The following AFG1L variants were observed in gnomAD, a reference collection of about 807,000 sequenced individuals.
The protein encoded by AFG1L is AFG1-like ATPase.
A neutral mutation model predicts 62.2 loss-of-function variants in AFG1L; 53 were observed. That is an observed-to-expected ratio of 0.85 (90% CI 0.68 to 1.07). The LOEUF is 1.07. Ranked by LOEUF, AFG1L falls within the 50% of genes least tolerant of loss-of-function variation. The pLI, the probability that AFG1L is intolerant of heterozygous loss-of-function variation, is 0.00. For missense variants in AFG1L, 555 were observed against 590.5 expected (o/e 0.94, Z 0.62); for synonymous variants, 228 against 210.3 (o/e 1.08, Z -0.73).
At chr6:108,368,466 A>G (rs1356761725) in intron 6 of AFG1L, among the ~76,000 whole-genome samples, 1 of 152,220 alleles carries the variant, frequency 6.6e-6, no homozygotes, top group African/African-American at 2.4e-5. Context: ...CATCCATTGT[A>G]CTACAAAAGA....
At chr6:108,491,864 A>T (rs1773789130) in intron 10 of AFG1L, among the ~76,000 whole-genome samples, 1 of 152,070 alleles carries the variant, frequency 6.6e-6, no homozygotes, top group South Asian at 2.1e-4. Flanking sequence ...GAAGAAAGCA[A>T]CTCTTCAATA....
chr6:108,462,904 A>G (rs1772516188), intron 8 of AFG1L, among the ~76,000 whole-genome samples: 1 of 152,224 alleles, frequency 6.6e-6, no homozygotes, highest in Non-Finnish European at 1.5e-5. Context: ...TCACAGTTAT[A>G]ACTGAAGATC....
At chr6:108,313,858 C>T (rs1436859586) in intron 1 of AFG1L, among the ~76,000 whole-genome samples, 1 of 151,890 alleles carries the variant, frequency 6.6e-6, no homozygotes, top group Non-Finnish European at 1.5e-5. Context: ...TCTCTTAACT[C>T]AACTATTTGA....
chr6:108,519,013 G>T (rs1310478024), intron 11 of AFG1L, among the ~76,000 whole-genome samples: 2 of 152,198 alleles, frequency 1.3e-5, no homozygotes, highest in Admixed American at 6.5e-5. Flanking sequence ...TCAGTATGTG[G>T]TGCTATAACA....
At chr6:108,478,437 G>A (rs754954291) in intron 10 of AFG1L, among the ~76,000 whole-genome samples, 1 of 152,170 alleles carries the variant, frequency 6.6e-6, no homozygotes, top group African/African-American at 2.4e-5. Flanking sequence ...ACTCCGTCTC[G>A]AAAAAGCAAT....
At chr6:108,405,159 T>C (rs934335963) in intron 7 of AFG1L, among the ~76,000 whole-genome samples, 5 of 152,192 alleles carry the variant, frequency 3.3e-5, no homozygotes, top group African/African-American at 1.2e-4. Flanking sequence ...AAAATCTTTA[T>C]CAGATAATTC....
chr6:108,367,811 A>G (rs888627657), intron 6 of AFG1L, among the ~76,000 whole-genome samples: 1 of 152,212 alleles, frequency 6.6e-6, no homozygotes, highest in African/African-American at 2.4e-5. Context: ...GAGGAAAAGA[A>G]AAGTAGTACA....
At position 108,525,205 on chromosome 6, in the gene AFG1L, GTC is replaced by G. The variant is rs1775280667; in HGVS notation, c.*2781_*2782del. 1 of 152,098 alleles carries G rather than the reference GTC, an allele frequency of 6.6e-6. No homozygotes were observed. The highest frequency in any genetic ancestry group is 1.5e-5 in the Non-Finnish European group (1 of 68,028). 9.4% of individuals were successfully genotyped at this position (152,098 alleles called of 1,614,324 possible). The stretch of plus-strand genomic sequence containing the variant: ...TGACTAGTTCCCAGACTTAACAGAG[GTC>G]AAGCGGAGAAAAAGGAAAACTTTCT... On this transcript the variant is annotated 3_prime_UTR_variant, in exon 13 of 13. Coordinates refer to ENST00000368977, the MANE Select transcript of AFG1L (RefSeq NM_145315.5).
At chr6:108,423,998 G>C (rs1770710012) in intron 7 of AFG1L, among the ~76,000 whole-genome samples, 1 of 152,100 alleles carries the variant, frequency 6.6e-6, no homozygotes, top group African/African-American at 2.4e-5. Context: ...GAAAGTAGAA[G>C]AATGTGGAAT....
At chr6:108,326,214 G>C (rs1778036698) in intron 2 of AFG1L, among the ~76,000 whole-genome samples, 1 of 152,128 alleles carries the variant, frequency 6.6e-6, no homozygotes. Context: ...TAGGGCTACA[G>C]GCATGCATCA....
intron 8 of AFG1L, among the ~76,000 whole-genome samples, chr6:108,459,756 G>A (rs919579471): frequency 1.3e-5 from 2 of 152,130 alleles, no homozygotes; most frequent in South Asian, 2.1e-4. Context: ...ATAATTTAAT[G>A]GATCTAGTTA....
rs774940020 is a variant in AFG1L, at chr6:108,519,816, C to T, written c.1317+6C>T. 40 of 1,547,772 alleles carry T rather than the reference C, an allele frequency of 2.6e-5. No homozygotes were observed. Among genetic ancestry groups the T allele is most frequent in the South Asian group, 9.3e-5 (8 of 86,320 alleles). On this transcript the variant is annotated splice_donor_region_variant and intron_variant, in intron 12 of 12. Coordinates refer to ENST00000368977, the MANE Select transcript of AFG1L (RefSeq NM_145315.5). ...ATGATTTGGGGCTGAGCCAGGTAGG[C>T]GATATTAACATAATCTCTTTTTATT...
chr6:108,307,787 T>C (rs1414754727), intron 1 of AFG1L, among the ~76,000 whole-genome samples: 1 of 152,216 alleles, frequency 6.6e-6, no homozygotes, highest in African/African-American at 2.4e-5. Context: ...TCAGTGTATC[T>C]TTCCATTAGC....
At chr6:108,335,281 T>C (rs1778435799) in intron 2 of AFG1L, among the ~76,000 whole-genome samples, 1 of 152,164 alleles carries the variant, frequency 6.6e-6, no homozygotes, top group Admixed American at 6.5e-5. Context: ...GTTTTTCTTT[T>C]CTTGGTCTTC....
intron 6 of AFG1L, among the ~76,000 whole-genome samples, chr6:108,379,658 C>T (rs1780413416): frequency 6.6e-6 from 1 of 152,184 alleles, no homozygotes; most frequent in South Asian, 2.1e-4. Flanking sequence ...ATGAGGTACC[C>T]AAAGGTTTTC....
intron 2 of AFG1L, chr6:108,344,992 T>G (rs892338307): frequency 3.0e-6 from 1 of 334,344 alleles, no homozygotes; most frequent in African/African-American, 2.2e-5. Flanking sequence ...CAAGCTTTTT[T>G]CCCTCTCAGG....
intron 7 of AFG1L, among the ~76,000 whole-genome samples, chr6:108,404,086 G>C (rs561172975): frequency 6.6e-6 from 1 of 152,206 alleles, no homozygotes; most frequent in Non-Finnish European, 1.5e-5. Flanking sequence ...AAGCTTTTCT[G>C]TTTGGGCATA....
intron 7 of AFG1L, among the ~76,000 whole-genome samples, chr6:108,414,578 C>T (rs1782272721): frequency 6.6e-6 from 1 of 152,194 alleles, no homozygotes; most frequent in Admixed American, 6.5e-5. Flanking sequence ...CCACCATGAT[C>T]AAGTTGGCTT....
chr6:108,414,820 G>T (rs1462120823), intron 7 of AFG1L, among the ~76,000 whole-genome samples: 1 of 152,144 alleles, frequency 6.6e-6, no homozygotes, highest in Non-Finnish European at 1.5e-5. Context: ...ATATCATACT[G>T]AATGGGCAAA....
Sources: allele counts gnomAD v4.1 joint callset (sites outside exome capture counted in the v4.1 genomes callset), GRCh38; gene constraint gnomAD v4.1.1; transcripts MANE v1.5; gene names NCBI Gene and HGNC (gene_info 2026-07-23, HGNC 2026-07-21).